RELL1: variants seen among roughly 807,000 people sequenced by gnomAD.
RELL1 encodes the protein RELT like 1, also known as RELT-like protein 1.
Under a neutral mutation model 23.0 loss-of-function variants are expected in RELL1, and 10 were observed. The ratio of observed to expected loss-of-function variants is 0.43; its 90% CI spans 0.27 to 0.74. The LOEUF is 0.74. Ranked by LOEUF, RELL1 falls within the 30% of genes least tolerant of loss-of-function variation. The pLI is 0.19. For synonymous variants in RELL1, 146 were observed against 146.8 expected (o/e 0.99, Z 0.04); for missense variants, 315 against 364.4 (o/e 0.86, Z 1.10).
intron 6 of RELL1, among the ~76,000 whole-genome samples, chr4:37,629,610 A>C (rs1448149465): frequency 6.6e-6 from 1 of 152,142 alleles, no homozygotes; most frequent in Non-Finnish European, 1.5e-5. Flanking sequence ...TTCTCTCTTT[A>C]AGAAGGCTCC....
At chr4:37,605,851 A>AAAGAAAGAAG (rs1491017436), downstream of RELL1, among the ~76,000 whole-genome samples, 2 of 132,186 alleles carry the variant, frequency 1.5e-5, no homozygotes, top group Admixed American at 7.6e-5. Context: ...AAGAAGGAAA[A>AAAGAAAGAAG]GAAAAGAAAA....
chr4:37,669,677 G>C (rs1009526720), intron 1 of RELL1, among the ~76,000 whole-genome samples: 3 of 152,220 alleles, frequency 2.0e-5, no homozygotes, highest in African/African-American at 7.2e-5. Flanking sequence ...TTTTCATTTT[G>C]TTCTGTACGA....
Position 37,611,888 on chromosome 4 carries a change from G to T in RELL1, c.*1458C>A, listed in dbSNP as rs1399817301. On this transcript the variant is annotated 3_prime_UTR_variant, in exon 7 of 7. Coordinates refer to ENST00000454158, the MANE Select transcript of RELL1 (RefSeq NM_001085400.2). The stretch of plus-strand genomic sequence containing the variant: ...AGGCCCATCTTATATGAGAAGCAGG[G>T]TTCTAGGCCGGGCGCAGTGGCTCAA... Among the ~76,000 whole-genome samples the T allele has an allele frequency of 6.6e-6, 1 of 152,192 alleles. No individual in the cohort carries two copies. Among genetic ancestry groups the T allele is most frequent in the Admixed American group, 6.5e-5 (1 of 15,286 alleles).
intron 1 of RELL1, among the ~76,000 whole-genome samples, chr4:37,672,678 C>G (rs1194934066): frequency 1.8e-5 from 2 of 113,788 alleles, no homozygotes; most frequent in Non-Finnish European, 3.2e-5. Context: ...ACTACTGTTT[C>G]CATAATATGT....
At chr4:37,607,913 G>A (rs932935093), downstream of RELL1, among the ~76,000 whole-genome samples, 24 of 152,096 alleles carry the variant, frequency 1.6e-4, no homozygotes, top group Admixed American at 3.3e-4. Flanking sequence ...CCAACAGCAT[G>A]TGCTCACTCA....
intron 1 of RELL1, among the ~76,000 whole-genome samples, chr4:37,664,372 C>CAA (rs11286230): frequency 1.5e-5 from 2 of 134,494 alleles, no homozygotes; most frequent in Non-Finnish European, 3.2e-5. Flanking sequence ...GACTCCATCT[C>CAA]AAAAAAAAAA....
rs372814209 is a variant in RELL1, at chr4:37,622,798, GC to G, written c.*3+8586del. On this transcript the variant is annotated intron_variant, in intron 6 of 6. Coordinates refer to ENST00000454158, the MANE Select transcript of RELL1 (RefSeq NM_001085400.2). ...GGCACATAGTAGGGTCTCAAGTAAT[GC>G]TTTTTTTTTTTTTTTTTTTTCTGAG... 2.0e-3 allele frequency: 840 copies of G among 418,038 alleles called. 12 individuals are homozygous for G. Among genetic ancestry groups the G allele is most frequent in the Middle Eastern group, 4.9e-3 (6 of 1,234 alleles). The allele number at this position is 418,038 out of a possible 1,614,324, so 25.9% of individuals were successfully genotyped here.
At chr4:37,658,424 A>G (rs533534797) in intron 1 of RELL1, among the ~76,000 whole-genome samples, 11 of 152,368 alleles carry the variant, frequency 7.2e-5, no homozygotes, top group Non-Finnish European at 1.6e-4. Context: ...CACCACAACT[A>G]TGGAGCATGT....
intron 6 of RELL1, among the ~76,000 whole-genome samples, chr4:37,628,760 G>A (rs1019948803): frequency 1.3e-5 from 2 of 152,172 alleles, no homozygotes; most frequent in African/African-American, 2.4e-5. Context: ...CAGGGGTAGG[G>A]CAGTTAAGTA....
At chr4:37,655,788 A>G (rs1027869396) in intron 1 of RELL1, among the ~76,000 whole-genome samples, 1 of 152,256 alleles carries the variant, frequency 6.6e-6, no homozygotes, top group Admixed American at 6.5e-5. Flanking sequence ...CTCCACTCAG[A>G]AGCTGAGGAA....
At chr4:37,643,470 C>T (rs1185515161) in intron 3 of RELL1, among the ~76,000 whole-genome samples, 2 of 152,136 alleles carry the variant, frequency 1.3e-5, no homozygotes, top group Non-Finnish European at 2.9e-5. Flanking sequence ...ATCATGATTG[C>T]AAATGTTTAC....
intron 2 of RELL1, 30 bp downstream of exon 2, chr4:37,649,246 C>T: frequency 6.5e-7 from 1 of 1,549,100 alleles, no homozygotes; most frequent in Non-Finnish European, 8.9e-7. Flanking sequence ...TGTCTCCTCA[C>T]CCCCAATAAA....
chr4:37,586,599 C>T (rs1020948620), downstream of RELL1, among the ~76,000 whole-genome samples: 2 of 152,126 alleles, frequency 1.3e-5, no homozygotes, highest in South Asian at 2.1e-4. Context: ...CAAATTACTA[C>T]GAACTTAGAG....
At chr4:37,597,160 C>T (rs562069938) in intron 6 of RELL1, among the ~76,000 whole-genome samples, 2 of 152,196 alleles carry the variant, frequency 1.3e-5, no homozygotes, top group Non-Finnish European at 2.9e-5. Flanking sequence ...AACTCTTCCT[C>T]CTCACCTGTG....
intron 6 of RELL1, among the ~76,000 whole-genome samples, chr4:37,616,921 T>A (rs559716833): frequency 7.5e-4 from 115 of 152,354 alleles, no homozygotes; most frequent in African/African-American, 2.5e-3. Context: ...TAGATCGGCA[T>A]CTTGGCAGAT....
chr4:37,668,405 A>G (rs552163300), intron 1 of RELL1, among the ~76,000 whole-genome samples: 1 of 152,024 alleles, frequency 6.6e-6, no homozygotes, highest in South Asian at 2.1e-4. Flanking sequence ...TTGGGTGGAG[A>G]CGGGGTTTCG....
chr4:37,669,925 A>T (rs947636630), intron 1 of RELL1, among the ~76,000 whole-genome samples: 4 of 151,840 alleles, frequency 2.6e-5, no homozygotes, highest in Non-Finnish European at 4.4e-5. Flanking sequence ...TCCTCTGCCT[A>T]GGAAAACCAG....
At chr4:37,657,998 A>G (rs183816174) in intron 1 of RELL1, among the ~76,000 whole-genome samples, 4 of 152,264 alleles carry the variant, frequency 2.6e-5, no homozygotes, top group Admixed American at 2.0e-4. Flanking sequence ...AGTCCCAACT[A>G]CTGGGGAAGC....
Position 37,600,269 on chromosome 4 carries a change from C to CAA in RELL1, c.*4-9054_*4-9053dup, listed in dbSNP as rs33929317. On this transcript the variant is annotated intron_variant, in intron 6 of 6. Transcript: ENST00000314117. ...TGGGTGACAGAGCGAGACTCCATCT[C>CAA]AAAAAAAAAAAAAAAAAAAAAAGTT... Among the ~76,000 whole-genome samples the CAA allele has an allele frequency of 4.6e-3, 512 of 111,340 alleles. 5 individuals are homozygous for CAA. The highest frequency in any genetic ancestry group is 0.017 in the African/African-American group (487 of 28,620). The allele number at this position is 111,340 out of a possible 152,430, so 73.0% of individuals were successfully genotyped here.
Sources: allele counts gnomAD v4.1 joint callset (sites outside exome capture counted in the v4.1 genomes callset), GRCh38; gene constraint gnomAD v4.1.1; transcripts MANE v1.5; gene names NCBI Gene and HGNC (gene_info 2026-07-23, HGNC 2026-07-21).